Variants in DACH2 observed in about 807,000 individuals in gnomAD.
The protein encoded by DACH2 is dachshund family transcription factor 2.
In DACH2, 17 loss-of-function variants were observed where a neutral mutation model predicts 35.8. That is an observed-to-expected ratio of 0.48 (90% CI 0.33 to 0.71). The LOEUF (loss-of-function observed/expected upper bound fraction) is 0.71. Ranked by LOEUF, DACH2 falls within the 30% of genes least tolerant of loss-of-function variation. The pLI, the probability that DACH2 is intolerant of heterozygous loss-of-function variation, is 0.02. For missense variants in DACH2, 469 were observed against 472.7 expected (o/e 0.99, Z 0.07); for synonymous variants, 195 against 177.3 (o/e 1.10, Z -0.79).
At chrX:86,335,301 T>G (rs1305463656) in intron 1 of DACH2, among the ~76,000 whole-genome samples, 1 of 111,895 alleles carries the variant, frequency 8.9e-6, no homozygotes, top group Non-Finnish European at 1.9e-5. Context: ...AACTCAATGG[T>G]AGCTTGATGG....
intron 3 of DACH2, among the ~76,000 whole-genome samples, chrX:86,594,613 CATATTG>C (rs1272090209): frequency 1.8e-5 from 2 of 111,101 alleles, no homozygotes; most frequent in African/African-American, 6.5e-5. Flanking sequence ...TTAATCTCTA[CATATTG>C]GGGTTTTCCA....
In DACH2 at chrX:86,778,653, CA is replaced by C. The variant is rs374067504; in HGVS notation, c.1241-34202del. Among the ~76,000 whole-genome samples, 222 of 111,182 alleles carry C rather than the reference CA, an allele frequency of 2.0e-3. 1 individual carries two copies. The highest frequency in any genetic ancestry group is 5.7e-3 in the African/African-American group (175 of 30,565). ...TGAGACAGAGTCTCACTCTGTCACC[CA>C]GGTGGCAGTGCAGTGGCGTGATCTC... On this transcript the variant is annotated intron_variant, in intron 7 of 11. Transcript: ENST00000373125.
chrX:86,579,924 A>C (rs2039481560), intron 3 of DACH2, among the ~76,000 whole-genome samples: 1 of 112,124 alleles, frequency 8.9e-6, no homozygotes, highest in South Asian at 3.7e-4. Context: ...GCAAGTGAGC[A>C]CAGATTATAC....
chrX:86,542,099 C>A (rs1472287715), intron 3 of DACH2, among the ~76,000 whole-genome samples: 1 of 111,558 alleles, frequency 9.0e-6, no homozygotes, highest in East Asian at 2.8e-4. Flanking sequence ...CTGTCACTTT[C>A]TCTTCCCTTT....
chrX:86,194,010 G>T (rs946535676), intron 1 of DACH2, among the ~76,000 whole-genome samples: 2 of 110,181 alleles, frequency 1.8e-5, no homozygotes, highest in East Asian at 2.8e-4. Context: ...ACATCATGTT[G>T]ATATGATCTT....
At chrX:86,218,739 A>T (rs760462235) in intron 1 of DACH2, among the ~76,000 whole-genome samples, 1 of 111,956 alleles carries the variant, frequency 8.9e-6, no homozygotes, top group African/African-American at 3.2e-5. Flanking sequence ...ATAAGTTGAG[A>T]TTTTAATAAG....
At chrX:86,297,378 A>G (rs777364226) in intron 1 of DACH2, among the ~76,000 whole-genome samples, 2 of 111,530 alleles carry the variant, frequency 1.8e-5, no homozygotes, top group African/African-American at 3.3e-5. Context: ...TGTCAGTTGC[A>G]GTGGTGTGTG....
chrX:86,439,452 G>A (rs1293926584), intron 2 of DACH2, among the ~76,000 whole-genome samples: 1 of 111,584 alleles, frequency 9.0e-6, no homozygotes, highest in African/African-American at 3.3e-5. Flanking sequence ...TGCTTTTGAT[G>A]TTTTAGCCAT....
intron 2 of DACH2, among the ~76,000 whole-genome samples, chrX:86,486,902 C>T (rs1351108771): frequency 2.7e-5 from 3 of 111,405 alleles, no homozygotes; most frequent in Non-Finnish European, 5.7e-5. Context: ...ATTTTTCTTC[C>T]CATTAATCAT....
At chrX:86,412,928 A>G (rs1476429627) in intron 2 of DACH2, among the ~76,000 whole-genome samples, 1 of 111,400 alleles carries the variant, frequency 9.0e-6, no homozygotes, top group East Asian at 2.8e-4. Flanking sequence ...GGCTCGAGTA[A>G]TATACCCAAA....
chrX:86,298,411 G>A (rs1227462172), intron 1 of DACH2, among the ~76,000 whole-genome samples: 2 of 111,691 alleles, frequency 1.8e-5, no homozygotes, highest in Non-Finnish European at 3.8e-5. Context: ...GTTAATAGAG[G>A]CTTACAAGAA....
In DACH2 at chrX:86,694,899, A is replaced by G. The variant is rs1251479195; in HGVS notation, c.773-122A>G. 6.0e-6 allele frequency: 3 copies of G among 498,828 alleles called. No individual in the cohort carries two copies. In the African/African-American group the frequency reaches 7.5e-5, roughly 12 times the overall value. 41.1% of individuals were successfully genotyped at this position (498,828 alleles called of 1,213,427 possible). On this transcript the variant is annotated intron_variant, in intron 4 of 11. Transcript: ENST00000373125. ...TTGAAACTGTCATAAAAATGAGTTA[A>G]CTGTGTTCAATAATAATTTCCTAAG...
At chrX:86,495,007 C>T (rs2038146753) in intron 2 of DACH2, among the ~76,000 whole-genome samples, 1 of 111,403 alleles carries the variant, frequency 9.0e-6, no homozygotes, top group Non-Finnish European at 1.9e-5. Context: ...AATATAAAAA[C>T]ATAAAATATT....
chrX:86,342,872 C>G (rs2148062570), intron 1 of DACH2, among the ~76,000 whole-genome samples: 1 of 111,136 alleles, frequency 9.0e-6, no homozygotes, highest in South Asian at 3.9e-4. Flanking sequence ...CAGCCACCAC[C>G]CTGACCAGTC....
At chrX:86,815,803 A>G (rs1482344033) in intron 10 of DACH2, among the ~76,000 whole-genome samples, 1 of 109,625 alleles carries the variant, frequency 9.1e-6, no homozygotes, top group East Asian at 2.8e-4. Flanking sequence ...AATAAAAAAA[A>G]TAGAGGTATT....
At chrX:86,410,716 T>C (rs1259090582) in intron 2 of DACH2, among the ~76,000 whole-genome samples, 1 of 110,513 alleles carries the variant, frequency 9.0e-6, no homozygotes, top group Non-Finnish European at 1.9e-5. Flanking sequence ...TAATTTCTTA[T>C]GTCAACTTGA....
intron 6 of DACH2, among the ~76,000 whole-genome samples, chrX:86,719,925 C>A (rs199657674): frequency 2.9e-5 from 2 of 69,200 alleles, no homozygotes; most frequent in Admixed American, 1.5e-4. Context: ...CTTTTTTTTT[C>A]TTTTTTCTTT....
intron 1 of DACH2, chrX:86,161,123 G>C (rs1203021435): frequency 4.4e-6 from 5 of 1,125,078 alleles, no homozygotes; most frequent in Non-Finnish European, 6.0e-6. Flanking sequence ...TTTTCTTAAT[G>C]TAAGTGCTGA....
chrX:86,476,120 T>C (rs1569415149), intron 2 of DACH2, among the ~76,000 whole-genome samples: 1 of 111,998 alleles, frequency 8.9e-6, no homozygotes, highest in Non-Finnish European at 1.9e-5. Flanking sequence ...TCATCAGAGA[T>C]ATTGGCCTGT....
Sources: allele counts gnomAD v4.1 joint callset (sites outside exome capture counted in the v4.1 genomes callset), GRCh38; gene constraint gnomAD v4.1.1; transcripts MANE v1.5; gene names NCBI Gene and HGNC (gene_info 2026-07-23, HGNC 2026-07-21).